GNG12: variants seen among roughly 807,000 people sequenced by gnomAD.
GNG12 encodes guanine nucleotide-binding protein G(I)/G(S)/G(O) subunit gamma-12.
For synonymous variants in GNG12, 28 were observed against 29.7 expected (o/e 0.94, Z 0.19); for missense variants, 69 against 83.8 (o/e 0.82, Z 0.69).
intron 2 of GNG12, among the ~76,000 whole-genome samples, chr1:67,735,131 C>T (rs572884295): frequency 5.9e-5 from 9 of 152,290 alleles, no homozygotes; most frequent in East Asian, 1.9e-4. Context: ...GTTGGGATTA[C>T]AGGCATGAGC....
intron 2 of GNG12, among the ~76,000 whole-genome samples, chr1:67,753,130 CT>C (rs1646548120): frequency 6.6e-6 from 1 of 152,184 alleles, no homozygotes. Context: ...ACATGGAACA[CT>C]GCTGAATATA....
Position 67,714,977 on chromosome 1 carries a change from C to T in GNG12, c.-26-7265G>A, listed in dbSNP as rs543982689. On this transcript the variant is annotated intron_variant, in intron 2 of 3. Coordinates refer to ENST00000370982, the MANE Select transcript of GNG12 (RefSeq NM_018841.6). ...CACTCTTGTTGCCCAGGCTGGAGTG[C>T]AGTGGCGCGATCTCGGCTCACTGCA... Among the ~76,000 whole-genome samples, 6 of 152,266 alleles carry T rather than the reference C, an allele frequency of 3.9e-5. No homozygotes were observed. The East Asian group carries it at 1.2e-3, about 29-fold the overall frequency.
In GNG12 at chr1:67,705,467, G is replaced by T; in HGVS notation, c.203C>A (p.Thr68Asn). The stretch of plus-strand genomic sequence containing the variant: ...TCTATTCCACTATAAGATGATGCAA[G>T]TTTTTTTATCCTTGAAAGGGTTTTC... ...TSENPFKDKK[T>N]CIIL Residue 68 changes from threonine to asparagine, a missense_variant, in exon 4 of 4, where the codon ACT becomes AAT. Coordinates refer to ENST00000370982, the MANE Select transcript of GNG12 (RefSeq NM_018841.6). 1 of 1,613,972 alleles carries T rather than the reference G, an allele frequency of 6.2e-7. No individual in the cohort carries two copies. The highest frequency in any genetic ancestry group is 2.2e-5 in the East Asian group (1 of 44,854).
At chr1:67,721,708 T>G (rs1222743794) in intron 2 of GNG12, among the ~76,000 whole-genome samples, 2 of 152,186 alleles carry the variant, frequency 1.3e-5, no homozygotes, top group Non-Finnish European at 2.9e-5. Flanking sequence ...GGACATAATA[T>G]CAATCTGCCT....
At chr1:67,763,969 T>A (rs536607546) in intron 2 of GNG12, among the ~76,000 whole-genome samples, 1 of 152,214 alleles carries the variant, frequency 6.6e-6, no homozygotes, top group African/African-American at 2.4e-5. Context: ...ACTGCTGTTT[T>A]AGTGGCTTTC....
chr1:67,829,346 T>C (rs1647029998), intron 1 of GNG12, among the ~76,000 whole-genome samples: 2 of 152,360 alleles, frequency 1.3e-5, no homozygotes, highest in Admixed American at 1.3e-4. Flanking sequence ...TTAACTTGTT[T>C]AACAAATTAA....
intron 2 of GNG12, among the ~76,000 whole-genome samples, chr1:67,776,655 A>T (rs1419514313): frequency 6.6e-6 from 1 of 152,198 alleles, no homozygotes; most frequent in African/African-American, 2.4e-5. Context: ...AGCCTAGCTG[A>T]CATGGAACTG....
intron 2 of GNG12, among the ~76,000 whole-genome samples, chr1:67,752,767 T>C (rs1432491955): frequency 2.0e-5 from 3 of 152,240 alleles, no homozygotes; most frequent in Non-Finnish European, 4.4e-5. Context: ...TTACTTTATT[T>C]TAGCAACATT....
intron 2 of GNG12, among the ~76,000 whole-genome samples, chr1:67,735,326 C>G (rs1483035156): frequency 2.0e-5 from 3 of 152,210 alleles, no homozygotes; most frequent in Non-Finnish European, 4.4e-5. Context: ...TGGCTTGCAG[C>G]ATTTCCCCAA....
At chr1:67,822,742 T>TG (rs398102831) in intron 1 of GNG12, among the ~76,000 whole-genome samples, 2 of 152,006 alleles carry the variant, frequency 1.3e-5, no homozygotes, top group Admixed American at 6.6e-5. Context: ...GCTTTTTTTT[T>TG]GTTTTTTGAT....
intron 2 of GNG12, among the ~76,000 whole-genome samples, chr1:67,750,305 C>T (rs1383475012): frequency 1.3e-5 from 2 of 152,128 alleles, no homozygotes; most frequent in Non-Finnish European, 2.9e-5. Flanking sequence ...ACATGTTCTC[C>T]CAGTGGAACC....
chr1:67,757,742 A>G (rs751043299), intron 2 of GNG12, among the ~76,000 whole-genome samples: 2 of 152,146 alleles, frequency 1.3e-5, no homozygotes, highest in African/African-American at 4.8e-5. Flanking sequence ...GTGGAAAAAA[A>G]TCTTGTATTT....
Position 67,705,567 on chromosome 1 carries a change from C to A in GNG12, c.103G>T (p.Ala35Ser). ...CAGTAGGACATGAGGTCCGCTGATG[C>A]CTTCGAAACCTGACATGGAGATAAA... ...ASIERIKVSK[A>S]SADLMSYCEE... The change falls in exon 4 of 4, where the codon GCA becomes TCA. Residue 35 changes from alanine (A) to serine (S), a missense_variant. Ala to Ser is a moderately conservative substitution (Grantham distance 99). Transcript: ENST00000370982. 6.2e-7 allele frequency: 1 copy of A among 1,604,936 alleles called. No homozygotes were observed. The highest frequency in any genetic ancestry group is 8.5e-7 in the Non-Finnish European group (1 of 1,177,346).
intron 1 of GNG12, among the ~76,000 whole-genome samples, chr1:67,784,899 G>A (rs1310639190): frequency 3.3e-5 from 5 of 152,088 alleles, no homozygotes; most frequent in East Asian, 3.8e-4. Flanking sequence ...TTATATCCAC[G>A]CTGATCATCA....
Position 67,705,289 on chromosome 1 carries a change from A to G in GNG12, c.*162T>C. On this transcript the variant is annotated 3_prime_UTR_variant, in exon 4 of 4. Transcript: ENST00000370982. ...AATCAGTAAAGGGTATTTTAAGAGA[A>G]AGGACAACTTGGAAAATAGAGACTT... 1 of 1,122,716 alleles carries G rather than the reference A, an allele frequency of 8.9e-7. No homozygotes were observed. Among genetic ancestry groups the G allele is most frequent in the Non-Finnish European group, 1.2e-6 (1 of 820,250 alleles). 69.5% of individuals were successfully genotyped at this position (1,122,716 alleles called of 1,614,324 possible). A position where few individuals can be genotyped will look rare whatever the true frequency, so the allele number is the denominator to read the frequency against.
intron 2 of GNG12, among the ~76,000 whole-genome samples, chr1:67,764,806 C>T (rs1392784421): frequency 1.3e-5 from 2 of 152,184 alleles, no homozygotes; most frequent in Non-Finnish European, 1.5e-5. Flanking sequence ...TTTGGAGTTA[C>T]TCTGGTCTAG....
chr1:67,783,612 C>G (rs1646750474), intron 1 of GNG12, among the ~76,000 whole-genome samples: 1 of 151,840 alleles, frequency 6.6e-6, no homozygotes, highest in African/African-American at 2.4e-5. Flanking sequence ...TGAACTCAAA[C>G]AAATTTACTA....
At chr1:67,801,772 T>C (rs2100797267) in intron 1 of GNG12, among the ~76,000 whole-genome samples, 1 of 152,314 alleles carries the variant, frequency 6.6e-6, no homozygotes, top group Non-Finnish European at 1.5e-5. Context: ...TGTATGATTA[T>C]TACGTTCCGT....
intron 1 of GNG12, among the ~76,000 whole-genome samples, chr1:67,803,397 T>C (rs1254179059): frequency 6.6e-6 from 1 of 152,128 alleles, no homozygotes; most frequent in Non-Finnish European, 1.5e-5. Flanking sequence ...TTAATGTTTC[T>C]CCTTATATGG....
Sources: gnomAD v4.1 joint callset for allele counts (sites outside exome capture counted in the v4.1 genomes callset) on GRCh38, gnomAD v4.1.1 for gene constraint, MANE v1.5 for transcripts, NCBI Gene and HGNC (gene_info 2026-07-23, HGNC 2026-07-21) for gene names.